The following AGO3 variants were observed in gnomAD, a reference collection of about 807,000 sequenced individuals.
The protein encoded by AGO3 is argonaute RISC catalytic component 3.
In AGO3, 16 loss-of-function variants were observed where a neutral mutation model predicts 105.5. That is an observed-to-expected ratio of 0.15 (90% CI 0.10 to 0.23). The LOEUF (loss-of-function observed/expected upper bound fraction) is 0.23. Among genes scored for constraint, AGO3 ranks in the 10% least tolerant of loss-of-function variants. The pLI, the probability that AGO3 is intolerant of heterozygous loss-of-function variation, is 1.00. For synonymous variants in AGO3, 340 were observed against 367.3 expected (o/e 0.93, Z 0.85); for missense variants, 534 against 1,088.0 (o/e 0.49, Z 7.16).
Position 35,972,130 on chromosome 1 carries a change from T to C in AGO3, c.419T>C (p.Leu140Pro). The change falls in exon 4 of 19, where the codon CTG becomes CCG. Residue 140 changes from leucine (L) to proline (P), a missense_variant. Coordinates refer to ENST00000373191, the MANE Select transcript of AGO3 (RefSeq NM_024852.4). ...RVSWHLLHEV[L>P]TGRTLPEPLE... ...AGTTGGCACCTACTGCATGAAGTAC[T>C]GACAGGACGGACCTTGCCTGAGCCA... is the stretch of plus-strand genomic sequence containing the variant. 6.2e-7 allele frequency: 1 copy of C among 1,614,142 alleles called. No homozygotes were observed. Among genetic ancestry groups the C allele is most frequent in the Non-Finnish European group, 8.5e-7 (1 of 1,180,014 alleles).
At chr1:35,997,031 A>G (rs1639861174) in intron 5 of AGO3, among the ~76,000 whole-genome samples, 1 of 152,168 alleles carries the variant, frequency 6.6e-6, no homozygotes, top group Non-Finnish European at 1.5e-5. Flanking sequence ...TGATCTCAGC[A>G]CTTTGGGGTG....
intron 5 of AGO3, among the ~76,000 whole-genome samples, chr1:35,981,856 G>A (rs1193910152): frequency 1.3e-5 from 2 of 152,040 alleles, no homozygotes; most frequent in African/African-American, 4.8e-5. Flanking sequence ...GTAAATATGT[G>A]CTATTCCCCC....
At chr1:36,020,020 C>T (rs1374399156) in intron 11 of AGO3, among the ~76,000 whole-genome samples, 2 of 152,190 alleles carry the variant, frequency 1.3e-5, no homozygotes, top group East Asian at 1.9e-4. Flanking sequence ...GATCAGCCCA[C>T]CTTGGCCTCC....
chr1:35,937,324 A>G (rs1386724120), intron 1 of AGO3, among the ~76,000 whole-genome samples: 2 of 151,914 alleles, frequency 1.3e-5, no homozygotes, highest in African/African-American at 4.8e-5. Flanking sequence ...AATCCTTTGA[A>G]CATGGGAGGT....
At chr1:35,948,288 G>A (rs1030879181) in intron 2 of AGO3, among the ~76,000 whole-genome samples, 5 of 147,510 alleles carry the variant, frequency 3.4e-5, no homozygotes, top group East Asian at 4.0e-4. Context: ...CGCGATTTCC[G>A]CTCACTGCAA....
At chr1:36,022,033 G>GC (rs1300252792) in intron 11 of AGO3, among the ~76,000 whole-genome samples, 6 of 148,198 alleles carry the variant, frequency 4.0e-5, no homozygotes, top group Non-Finnish European at 7.4e-5. Context: ...ATAGGCATCC[G>GC]CATCCTTGGA....
intron 5 of AGO3, among the ~76,000 whole-genome samples, chr1:35,993,684 C>G (rs1647916140): frequency 6.7e-6 from 1 of 149,158 alleles, no homozygotes; most frequent in African/African-American, 2.5e-5. Flanking sequence ...TAACATCAAT[C>G]TTTCACAAAT....
chr1:35,972,250 T>G lies in AGO3; in HGVS notation c.521+18T>G. The G allele has an allele frequency of 6.2e-7, 1 of 1,611,822 alleles. No individual in the cohort carries two copies. The highest frequency in any genetic ancestry group is 8.5e-7 in the Non-Finnish European group (1 of 1,179,198). ...TCCATGAAGTGGGTGCTTCTGCTTT[T>G]TTTCTCTTTAGATTTTAAACTCCCA... On this transcript the variant is annotated intron_variant, in intron 4 of 18. Transcript: ENST00000373191.
chr1:35,931,635 T>G (rs569272887), intron 1 of AGO3, among the ~76,000 whole-genome samples, 190 bp downstream of exon 1: 2 of 152,274 alleles, frequency 1.3e-5, no homozygotes, highest in Admixed American at 1.3e-4. Context: ...GGCCCCTGAG[T>G]CGGCGAAACT....
intron 1 of AGO3, 28 bp from the exon 2 acceptor site, chr1:35,945,664 C>G (rs368054104): frequency 2.5e-5 from 40 of 1,604,868 alleles, no homozygotes; most frequent in Non-Finnish European, 3.3e-5. Flanking sequence ...GTAACTGTGA[C>G]TCTTTTTTTT....
chr1:35,953,831 C>T (rs927217642), intron 2 of AGO3, among the ~76,000 whole-genome samples: 1 of 151,940 alleles, frequency 6.6e-6, no homozygotes, highest in African/African-American at 2.4e-5. Context: ...TAAATTGGGT[C>T]ATTTGTCTTT....
rs1478765354 is a variant in AGO3 at position 36,067,838 on chromosome 1, AAG to A, written c.*12095_*12096del. 1 of 152,122 alleles carries A rather than the reference AAG, an allele frequency of 6.6e-6. No homozygotes were observed. Among genetic ancestry groups the A allele is most frequent in the African/African-American group, 2.4e-5 (1 of 41,432 alleles). The allele number at this position is 152,122 out of a possible 1,614,324, so 9.4% of individuals were successfully genotyped here. A position where few individuals can be genotyped will look rare whatever the true frequency, so the allele number is the denominator to read the frequency against. ...GAGACTCCGTCTCAAAAAAAAAAAA[AAG>A]AAGGAATAGGAAAAGGACTTAGAGG... On this transcript the variant is annotated 3_prime_UTR_variant, in exon 19 of 19. Coordinates refer to ENST00000373191, the MANE Select transcript of AGO3 (RefSeq NM_024852.4).
Position 36,059,174 on chromosome 1 carries a change from C to G in AGO3, c.*3429C>G, listed in dbSNP as rs759621258. ...TGAGTGATTTCTTTTTTAGAGTGCT[C>G]TTACACTAGTCAGCATTGCTAGTTT... On this transcript the variant is annotated 3_prime_UTR_variant, in exon 19 of 19. Transcript: ENST00000373191. 1 of 152,038 alleles carries G rather than the reference C, an allele frequency of 6.6e-6. No homozygotes were observed. Among genetic ancestry groups the G allele is most frequent in the Admixed American group, 6.6e-5 (1 of 15,234 alleles). The allele number at this position is 152,038 out of a possible 1,614,324, so 9.4% of individuals were successfully genotyped here. A position where few individuals can be genotyped will look rare whatever the true frequency, so the allele number is the denominator to read the frequency against.
At chr1:35,963,229 G>T (rs1031327508) in intron 2 of AGO3, among the ~76,000 whole-genome samples, 1 of 152,192 alleles carries the variant, frequency 6.6e-6, no homozygotes, top group African/African-American at 2.4e-5. Flanking sequence ...TGCAATTAAA[G>T]ATACTGTGAA....
chr1:36,035,235 C>CA (rs879767979), intron 13 of AGO3, among the ~76,000 whole-genome samples: 3 of 151,842 alleles, frequency 2.0e-5, no homozygotes, highest in Non-Finnish European at 2.9e-5. Flanking sequence ...TTTATCTCTA[C>CA]AAAAAAATAG....
At chr1:36,046,273 G>A (rs1344750064) in intron 17 of AGO3, among the ~76,000 whole-genome samples, 1 of 152,170 alleles carries the variant, frequency 6.6e-6, no homozygotes, top group Non-Finnish European at 1.5e-5. Flanking sequence ...TGCTCCAGGG[G>A]CAAGTAGCCA....
chr1:36,013,342 T>C, intron 9 of AGO3: 1 of 223,214 alleles, frequency 4.5e-6, no homozygotes, highest in South Asian at 6.9e-5. Context: ...CCCAAAATGC[T>C]GAGATCACAG....
chr1:36,011,022 GCTGTCTCATTGTT>G (rs1312937438), intron 9 of AGO3, among the ~76,000 whole-genome samples: 1 of 152,140 alleles, frequency 6.6e-6, no homozygotes, highest in Non-Finnish European at 1.5e-5. Flanking sequence ...AGGTCTCTGT[GCTGTCTCATTGTT>G]CTAAATGAGG....
chr1:36,033,659 G>C (rs1641883285), intron 12 of AGO3, among the ~76,000 whole-genome samples: 1 of 145,184 alleles, frequency 6.9e-6, no homozygotes, highest in African/African-American at 2.5e-5. Flanking sequence ...AAAAAAAAAA[G>C]TTATATACAC....
Sources: gnomAD v4.1 joint callset for allele counts (sites outside exome capture counted in the v4.1 genomes callset) on GRCh38, gnomAD v4.1.1 for gene constraint, MANE v1.5 for transcripts, NCBI Gene and HGNC (gene_info 2026-07-23, HGNC 2026-07-21) for gene names.